Variants in PRXL2C observed in about 807,000 individuals in gnomAD.
PRXL2C encodes the protein peroxiredoxin like 2C.
PRXL2C carries 38 observed loss-of-function variants against 24.9 expected under a neutral mutation model. The ratio of observed to expected loss-of-function variants is 1.53; its 90% CI spans 1.18 to 2.00. PRXL2C has a LOEUF of 2.00. Among genes scored for constraint, PRXL2C ranks in the 30% most tolerant of loss-of-function variants. The probability of loss-of-function intolerance (pLI) is 0.00; values close to 1 mark genes in which losing one functional copy is unlikely to be tolerated. For missense variants in PRXL2C, 294 were observed against 290.9 expected (o/e 1.01, Z -0.08); for synonymous variants, 98 against 117.2 (o/e 0.84, Z 1.06).
At chr9:96,642,610 A>G (rs1216132062) in intron 5 of PRXL2C, among the ~76,000 whole-genome samples, 1 of 147,426 alleles carries the variant, frequency 6.8e-6, no homozygotes, top group African/African-American at 2.5e-5. Context: ...CAGTGGCATG[A>G]TCTCGGCTCA....
At position 96,646,001 on chromosome 9, in the gene PRXL2C, T is replaced by G. The variant is rs764147841; in HGVS notation, c.445A>C (p.Asn149His). 67 of 1,611,974 alleles carry G rather than the reference T, an allele frequency of 4.2e-5. No individual in the cohort carries two copies. In the East Asian group the frequency reaches 1.4e-3, roughly 33 times the overall value. Residue 149 changes from asparagine (N) to histidine (H), a missense_variant, in exon 5 of 6, where the codon AAT becomes CAT. Asn to His is a moderately conservative substitution (Grantham distance 68). Transcript: ENST00000375234. Reference sequence around the variant, plus strand: ...CTCTGAAGGCTTCCTGAGAGTAGATTTGATTTTATGTGGGGGCTCTGTCCT... The same window carrying G: ...CTCTGAAGGCTTCCTGAGAGTAGATGTGATTTTATGTGGGGGCTCTGTCCT... ...SSGQSPHIKS[N>H]LLSGSLQSLW...
chr9:96,651,800 T>C, intron 2 of PRXL2C, 88 bp from the exon 3 acceptor site: 2 of 1,151,884 alleles, frequency 1.7e-6, no homozygotes, highest in Non-Finnish European at 2.5e-6. Context: ...TATGTTTCAT[T>C]CTAATGCCAC....
chr9:96,655,052 T>C, intron 1 of PRXL2C, 38 bp downstream of exon 1: 1 of 1,456,922 alleles, frequency 6.9e-7, no homozygotes. Context: ...CCCGGGACCC[T>C]GGGCCGCGCT....
chr9:96,651,063 G>A (rs1200492996), intron 4 of PRXL2C, among the ~76,000 whole-genome samples: 1 of 152,140 alleles, frequency 6.6e-6, no homozygotes, highest in African/African-American at 2.4e-5. Flanking sequence ...GGCCGAGACA[G>A]GTCAGGAGTT....
intron 5 of PRXL2C, 85 bp downstream of exon 5, chr9:96,645,808 A>G: frequency 6.8e-7 from 1 of 1,463,710 alleles, no homozygotes; most frequent in Admixed American, 2.4e-5. Context: ...AAAAAAAAAA[A>G]AAAGGAAAAG....
Position 96,655,116 on chromosome 9 carries a change from G to T in PRXL2C, c.166C>A (p.Arg56Ser), listed in dbSNP as rs1348393659. ...RVPFGALFRE[R>S]RAVVVFVRHF... ...CGCACGAACACCACCACGGCGCGGC[G>T]CTCCCGGAACAGCGCGCCGAACGGT... is the stretch of plus-strand genomic sequence containing the variant. Residue 56 changes from arginine to serine, a missense_variant, in exon 1 of 6, where the codon CGC (arginine) becomes AGC (serine). Transcript: ENST00000375234. 7 of 1,426,110 alleles carry T rather than the reference G, an allele frequency of 4.9e-6. No individual in the cohort carries two copies. The highest frequency in any genetic ancestry group is 2.5e-4 in the Middle Eastern group (1 of 3,984). The allele number at this position is 1,426,110 out of a possible 1,614,324, so 88.3% of individuals were successfully genotyped here.
chr9:96,648,483 G>A (rs896599398), intron 4 of PRXL2C, among the ~76,000 whole-genome samples: 22 of 151,608 alleles, frequency 1.5e-4, no homozygotes, highest in African/African-American at 5.1e-4. Flanking sequence ...TATTTTTAGT[G>A]CCTTAGTTTT....
In PRXL2C at chr9:96,651,639, C is replaced by A; in HGVS notation, c.315+20G>T. ...GAAACAGATTTTATTCATTAGTCTC[C>A]CAATGTACTAGATATTTACCTCAAT... is the stretch of plus-strand genomic sequence containing the variant. On this transcript the variant is annotated intron_variant, in intron 3 of 5. Coordinates refer to ENST00000375234, the MANE Select transcript of PRXL2C (RefSeq NM_153698.2). 6.3e-7 allele frequency: 1 copy of A among 1,595,960 alleles called. No individual in the cohort carries two copies. The highest frequency in any genetic ancestry group is 8.6e-7 in the Non-Finnish European group (1 of 1,166,704).
At chr9:96,641,995 T>C (rs1848123698) in intron 5 of PRXL2C, 109 bp from the exon 6 acceptor site, 3 of 913,318 alleles carry the variant, frequency 3.3e-6, no homozygotes, top group Admixed American at 3.0e-5. Flanking sequence ...AAGGGAAAAA[T>C]TAATTACCTG....
intron 2 of PRXL2C, 109 bp downstream of exon 2, chr9:96,654,596 G>A (rs1848322370): frequency 4.2e-6 from 4 of 951,896 alleles, no homozygotes; most frequent in Non-Finnish European, 6.5e-6. Flanking sequence ...GAGAGCTGCG[G>A]GGAGGGGCAA....
chr9:96,654,644 C>A, intron 2 of PRXL2C, 61 bp downstream of exon 2: 1 of 1,499,726 alleles, frequency 6.7e-7, no homozygotes, highest in South Asian at 1.2e-5. Context: ...CGCGTCCTCC[C>A]CCGCCCCGCT....
At chr9:96,650,642 T>G (rs1009388252) in intron 4 of PRXL2C, among the ~76,000 whole-genome samples, 2 of 152,086 alleles carry the variant, frequency 1.3e-5, no homozygotes, top group Non-Finnish European at 2.9e-5. Flanking sequence ...TTAAAGGAGA[T>G]GGGATATTAA....
intron 2 of PRXL2C, 148 bp downstream of exon 2, chr9:96,654,557 C>T: frequency 4.4e-6 from 3 of 676,986 alleles, no homozygotes; most frequent in Non-Finnish European, 7.6e-6. Flanking sequence ...TCTCTGACGT[C>T]TCACTCCTTT....
At chr9:96,641,915 G>A (rs1456006218) in intron 5 of PRXL2C, 29 bp from the exon 6 acceptor site, 1 of 1,434,040 alleles carries the variant, frequency 7.0e-7, no homozygotes, top group Non-Finnish European at 9.3e-7. Context: ...AAAAGGCTGA[G>A]GCATAGTATT....
chr9:96,643,884 C>G (rs943385909), intron 5 of PRXL2C, among the ~76,000 whole-genome samples: 21 of 151,950 alleles, frequency 1.4e-4, no homozygotes, highest in Non-Finnish European at 2.9e-4. Context: ...CCTGTAATCC[C>G]AGCACTTTGG....
At chr9:96,645,742 A>G in intron 5 of PRXL2C, 151 bp downstream of exon 5, 1 of 828,856 alleles carries the variant, frequency 1.2e-6, no homozygotes, top group Non-Finnish European at 1.8e-6. Context: ...GCTTGCAGTG[A>G]GCCGAGATTG....
intron 4 of PRXL2C, among the ~76,000 whole-genome samples, chr9:96,648,880 TCTC>T (rs1294666349): frequency 2.0e-5 from 3 of 152,060 alleles, no homozygotes; most frequent in East Asian, 1.9e-4. Context: ...GTCAAGCAAT[TCTC>T]CTGCCTCAGT....
chr9:96,649,647 C>T lies in PRXL2C; in HGVS notation c.421+1743G>A, dbSNP rs569856301. On this transcript the variant is annotated intron_variant, in intron 4 of 5. Coordinates refer to ENST00000375234, the MANE Select transcript of PRXL2C (RefSeq NM_153698.2). ...CTCACAAACAGCTCCCAGACCCATC[C>T]CCTCCTCTCTATCCCCTCTTCAAGC... 1.7e-4 allele frequency among the ~76,000 whole-genome samples: 26 copies of T among 151,650 alleles called. No individual in the cohort carries two copies. In the South Asian group the frequency reaches 5.0e-3, roughly 29 times the overall value.
At chr9:96,654,651 C>G (rs941454215) in intron 2 of PRXL2C, 54 bp downstream of exon 2, 2 of 1,518,098 alleles carry the variant, frequency 1.3e-6, no homozygotes, top group Non-Finnish European at 1.8e-6. Flanking sequence ...TCCCCCGCCC[C>G]GCTCGCAAGG....
Sources: gnomAD v4.1 joint callset for allele counts (sites outside exome capture counted in the v4.1 genomes callset) on GRCh38, gnomAD v4.1.1 for gene constraint, MANE v1.5 for transcripts, NCBI Gene and HGNC (gene_info 2026-07-23, HGNC 2026-07-21) for gene names.